FER1L6: variants seen among roughly 807,000 people sequenced by gnomAD.
The protein encoded by FER1L6 is fer-1 like family member 6, also known as fer-1-like protein 6.
A neutral mutation model predicts 219.2 loss-of-function variants in FER1L6; 177 were observed. That is an observed-to-expected ratio of 0.81 (90% CI 0.71 to 0.91). FER1L6 has a LOEUF of 0.91. FER1L6 is among the 40% of genes least tolerant of loss of function. FER1L6 has a pLI of 0.00. For missense variants in FER1L6, 2,153 were observed against 2,259.9 expected (o/e 0.95, Z 0.96); for synonymous variants, 768 against 824.3 (o/e 0.93, Z 1.17).
chr8:124,060,530 T>TG lies in FER1L6; in HGVS notation c.2986-17dup. On this transcript the variant is annotated splice_polypyrimidine_tract_variant and intron_variant, in intron 23 of 40. Transcript: ENST00000522917. ...CTCCGTGGATCTGTGGTGATGGCTC[T>TG]GCTGGTCTTTTCCTCAGGTTCTCTT... The TG allele has an allele frequency of 1.2e-6, 2 of 1,613,120 alleles. No individual in the cohort carries two copies. The highest frequency in any genetic ancestry group is 1.7e-6 in the Non-Finnish European group (2 of 1,179,542).
chr8:124,055,529 CCTT>C, intron 22 of FER1L6, among the ~76,000 whole-genome samples: 2 of 152,256 alleles, frequency 1.3e-5, no homozygotes, highest in Admixed American at 1.3e-4. Flanking sequence ...CACACTTTGG[CCTT>C]CTTTTCCATT....
chr8:124,003,411 G>A, intron 13 of FER1L6, 64 bp downstream of exon 13: 2 of 1,039,176 alleles, frequency 1.9e-6, no homozygotes, highest in East Asian at 5.9e-5. Context: ...CCAGTTTCTA[G>A]GACTGTTTTC....
intron 13 of FER1L6, among the ~76,000 whole-genome samples, chr8:124,008,308 A>G (rs1247811517): frequency 6.6e-6 from 1 of 152,196 alleles, no homozygotes; most frequent in Non-Finnish European, 1.5e-5. Flanking sequence ...ATCCCATCAT[A>G]TATACGCACA....
At chr8:124,060,738 C>G in intron 24 of FER1L6, 29 bp downstream of exon 24, 1 of 1,602,414 alleles carries the variant, frequency 6.2e-7, no homozygotes, top group Non-Finnish European at 8.5e-7. Context: ...CCCGACCTGG[C>G]TCATTCCTCT....
At chr8:124,057,703 C>T (rs1820367876) in intron 22 of FER1L6, among the ~76,000 whole-genome samples, 2 of 152,108 alleles carry the variant, frequency 1.3e-5, no homozygotes, top group South Asian at 4.1e-4. Context: ...CATTGTCTAT[C>T]ATTTTGTCTC....
chr8:124,010,974 G>A lies in FER1L6; in HGVS notation c.1821+260G>A, dbSNP rs1817894583. Among the ~76,000 whole-genome samples, 3 of 152,046 alleles carry A rather than the reference G, an allele frequency of 2.0e-5. No individual in the cohort carries two copies. The South Asian group carries it at 6.2e-4, about 32-fold the overall frequency. ...TGGCTGTTATAGGATCTAGGTATGG[G>A]CTGTTTTTCTAATCTCCAAAGGGCA... On this transcript the variant is annotated intron_variant, in intron 14 of 40. Coordinates refer to ENST00000522917, the MANE Select transcript of FER1L6 (RefSeq NM_001039112.2).
At chr8:123,970,716 G>C (rs1212709643) in intron 6 of FER1L6, among the ~76,000 whole-genome samples, 1 of 152,170 alleles carries the variant, frequency 6.6e-6, no homozygotes, top group Non-Finnish European at 1.5e-5. Context: ...GCCAGGGGAA[G>C]TGCAGATACA....
intron 1 of FER1L6, among the ~76,000 whole-genome samples, chr8:123,877,422 C>T (rs1817022019): frequency 6.6e-6 from 1 of 152,176 alleles, no homozygotes; most frequent in African/African-American, 2.4e-5. Context: ...GACTCACATG[C>T]CTGGGTTCTC....
chr8:124,069,554 C>T, intron 29 of FER1L6, 79 bp downstream of exon 29: 1 of 959,048 alleles, frequency 1.0e-6, no homozygotes, highest in Non-Finnish European at 1.6e-6. Context: ...CTTTGGTCAA[C>T]CCTAGTCATG....
At chr8:123,992,351 AT>A (rs910948436) in intron 12 of FER1L6, among the ~76,000 whole-genome samples, 10 of 151,632 alleles carry the variant, frequency 6.6e-5, no homozygotes, top group Non-Finnish European at 1.0e-4. Context: ...GTTGTTGGCA[AT>A]TTTTTTTACA....
At chr8:123,931,985 T>G (rs774074784) in intron 1 of FER1L6, among the ~76,000 whole-genome samples, 6 of 152,228 alleles carry the variant, frequency 3.9e-5, no homozygotes, top group Admixed American at 6.5e-5. Context: ...CTCTAAAACT[T>G]GCCAATTCTT....
intron 1 of FER1L6, among the ~76,000 whole-genome samples, chr8:123,867,176 T>C (rs1816851442): frequency 6.6e-6 from 1 of 152,226 alleles, no homozygotes. Context: ...TGTGTTTTCT[T>C]ATAGTAGCTT....
At chr8:124,003,414 C>T (rs1586577616) in intron 13 of FER1L6, 67 bp downstream of exon 13, 10 of 679,008 alleles carry the variant, frequency 1.5e-5, no homozygotes, top group South Asian at 1.2e-4. Flanking sequence ...GTTTCTAGGA[C>T]TGTTTTCTTC....
chr8:124,037,295 T>C (rs1437927354), intron 19 of FER1L6, among the ~76,000 whole-genome samples: 1 of 152,214 alleles, frequency 6.6e-6, no homozygotes, highest in Admixed American at 6.5e-5. Flanking sequence ...CACTGTCAGC[T>C]GAGAAATTTG....
At chr8:123,926,949 A>G (rs1402976977) in intron 1 of FER1L6, among the ~76,000 whole-genome samples, 1 of 152,128 alleles carries the variant, frequency 6.6e-6, no homozygotes, top group Non-Finnish European at 1.5e-5. Flanking sequence ...GACTCCAAAG[A>G]TTTGGGGTAA....
chr8:123,969,769 G>A (rs1365591862), intron 5 of FER1L6, among the ~76,000 whole-genome samples: 3 of 151,212 alleles, frequency 2.0e-5, no homozygotes, highest in Non-Finnish European at 4.4e-5. Flanking sequence ...AGGAGGCTGA[G>A]ATGGGAGGAT....
intron 1 of FER1L6, among the ~76,000 whole-genome samples, chr8:123,884,699 A>G (rs1357500278): frequency 1.3e-5 from 2 of 152,162 alleles, no homozygotes; most frequent in African/African-American, 4.8e-5. Flanking sequence ...AGCAGAGTGT[A>G]GGGAACCCCC....
At chr8:124,093,429 T>A (rs886997193) in intron 34 of FER1L6, among the ~76,000 whole-genome samples, 2 of 151,914 alleles carry the variant, frequency 1.3e-5, no homozygotes, top group East Asian at 3.9e-4. Context: ...ATACATAGGA[T>A]GGTTTGACAC....
At chr8:123,915,630 C>T (rs370356356) in intron 1 of FER1L6, among the ~76,000 whole-genome samples, 4 of 152,276 alleles carry the variant, frequency 2.6e-5, no homozygotes, top group African/African-American at 7.2e-5. Flanking sequence ...TCTCTCAGAA[C>T]GTTTACAGAT....
Sources: allele counts gnomAD v4.1 joint callset (sites outside exome capture counted in the v4.1 genomes callset), GRCh38; gene constraint gnomAD v4.1.1; transcripts MANE v1.5; gene names NCBI Gene and HGNC (gene_info 2026-07-23, HGNC 2026-07-21).